Variants in CPLX2 observed in about 807,000 individuals in gnomAD.
CPLX2 encodes complexin-2.
A neutral mutation model predicts 16.3 loss-of-function variants in CPLX2; 5 were observed. The ratio of observed to expected loss-of-function variants is 0.31; its 90% CI spans 0.16 to 0.64. The LOEUF (loss-of-function observed/expected upper bound fraction) is 0.64. Ranked by LOEUF, CPLX2 falls within the 30% of genes least tolerant of loss-of-function variation. The pLI, the probability that CPLX2 is intolerant of heterozygous loss-of-function variation, is 0.79. For synonymous variants in CPLX2, 89 were observed against 73.2 expected (o/e 1.22, Z -1.10); for missense variants, 144 against 181.4 (o/e 0.79, Z 1.18).
At chr5:175,821,382 T>C (rs892442286) in intron 2 of CPLX2, among the ~76,000 whole-genome samples, 1 of 152,088 alleles carries the variant, frequency 6.6e-6, no homozygotes, top group Non-Finnish European at 1.5e-5. Context: ...ACTCTCCTTC[T>C]CCTAAATTTC....
intron 2 of CPLX2, among the ~76,000 whole-genome samples, chr5:175,836,161 T>G (rs1032571444): frequency 6.6e-5 from 10 of 152,062 alleles, no homozygotes; most frequent in African/African-American, 2.4e-4. Context: ...CCATCCTGGC[T>G]AACACGGTGA....
At chr5:175,860,516 A>AAAAG (rs765708535) in intron 2 of CPLX2, among the ~76,000 whole-genome samples, 2,476 of 21,318 alleles carry the variant, frequency 0.12, 58 homozygotes, top group Middle Eastern at 0.13. Flanking sequence ...GAAAGAAAGA[A>AAAAG]AAAGAAAGAA....
At chr5:175,873,112 C>G (rs1371386309) in intron 1 of CPLX2, 1 of 138,114 alleles carries the variant, frequency 7.2e-6, no homozygotes, top group Non-Finnish European at 1.6e-5. Flanking sequence ...CACTCCCACC[C>G]ACCCCCACCC....
upstream of CPLX2, among the ~76,000 whole-genome samples, chr5:175,871,031 C>T (rs979535727): frequency 9.9e-5 from 15 of 152,194 alleles, no homozygotes; most frequent in South Asian, 2.1e-4. Flanking sequence ...ACAGGTGGAA[C>T]GGGGGTCGCT....
intron 2 of CPLX2, among the ~76,000 whole-genome samples, chr5:175,831,059 T>C (rs1344070143): frequency 2.0e-5 from 3 of 152,122 alleles, no homozygotes; most frequent in Non-Finnish European, 2.9e-5. Context: ...TAAGTGCGTC[T>C]CTGTGTCTGT....
chr5:175,831,303 G>T (rs1758731517), intron 2 of CPLX2, among the ~76,000 whole-genome samples: 1 of 152,202 alleles, frequency 6.6e-6, no homozygotes, highest in African/African-American at 2.4e-5. Flanking sequence ...AGTCACAGAA[G>T]GGGAAATCGT....
At chr5:175,856,240 A>G (rs1759255333) in intron 2 of CPLX2, among the ~76,000 whole-genome samples, 1 of 152,168 alleles carries the variant, frequency 6.6e-6, no homozygotes, top group Admixed American at 6.5e-5. Context: ...GGCTGAAATG[A>G]GGTAGTATAA....
At chr5:175,797,903 G>C (rs1001290851) in intron 1 of CPLX2, among the ~76,000 whole-genome samples, 9 of 152,212 alleles carry the variant, frequency 5.9e-5, no homozygotes, top group African/African-American at 2.2e-4. Flanking sequence ...GAAAGCATAC[G>C]TGGAAGAGAA....
At chr5:175,806,044 C>T (rs1758192991) in intron 1 of CPLX2, among the ~76,000 whole-genome samples, 1 of 152,212 alleles carries the variant, frequency 6.6e-6, no homozygotes, top group Admixed American at 6.5e-5. Flanking sequence ...GATTCCCCAC[C>T]TTCATGCTCC....
At chr5:175,876,496 A>AAAC (rs75439409) in intron 1 of CPLX2, among the ~76,000 whole-genome samples, 10,122 of 152,160 alleles carry the variant, frequency 0.067, 515 homozygotes, top group East Asian at 0.15. Flanking sequence ...CAGGGATAGG[A>AAAC]AAGAACTGAG....
intron 2 of CPLX2, among the ~76,000 whole-genome samples, chr5:175,862,381 A>AT: frequency 6.6e-6 from 1 of 152,226 alleles, no homozygotes; most frequent in South Asian, 2.1e-4. Flanking sequence ...CCCAAATTAG[A>AT]TTTTTTTTAA....
Position 175,865,050 on chromosome 5 carries a change from T to C in CPLX2, c.-88-13602T>C, listed in dbSNP as rs1038387619. ...CTCATTGCCTCCCTTCATCCAACCC[T>C]CCCCCAACCACATACTCACATGCAC... On this transcript the variant is annotated intron_variant, in intron 2 of 4. Coordinates refer to the CPLX2 transcript ENST00000359546. Among the ~76,000 whole-genome samples, 12 of 149,846 alleles carry C rather than the reference T, an allele frequency of 8.0e-5. No individual in the cohort carries two copies. In the Middle Eastern group the frequency reaches 0.01, roughly 128 times the overall value.
At chr5:175,846,110 C>T (rs911674036) in intron 2 of CPLX2, among the ~76,000 whole-genome samples, 1 of 152,108 alleles carries the variant, frequency 6.6e-6, no homozygotes, top group Non-Finnish European at 1.5e-5. Context: ...TCTGGCCATG[C>T]ACACACACAA....
chr5:175,829,348 T>C (rs1316281404), intron 2 of CPLX2, among the ~76,000 whole-genome samples: 1 of 152,196 alleles, frequency 6.6e-6, no homozygotes, highest in Non-Finnish European at 1.5e-5. Context: ...TGCTCAGCCA[T>C]GCTCCCTCCC....
chr5:175,857,272 A>G (rs1759276508), intron 2 of CPLX2, among the ~76,000 whole-genome samples: 1 of 152,126 alleles, frequency 6.6e-6, no homozygotes, highest in Admixed American at 6.5e-5. Context: ...CCAATTTTTC[A>G]GGTCAGGCTC....
chr5:175,851,207 C>T (rs1759146596), intron 2 of CPLX2, among the ~76,000 whole-genome samples: 1 of 152,022 alleles, frequency 6.6e-6, no homozygotes, highest in African/African-American at 2.4e-5. Flanking sequence ...GAAAGGTGGC[C>T]CCCTTTGGTT....
chr5:175,838,476 G>A (rs1479774844), intron 2 of CPLX2, among the ~76,000 whole-genome samples: 3 of 152,008 alleles, frequency 2.0e-5, no homozygotes, highest in Non-Finnish European at 4.4e-5. Context: ...CACCGTGTTA[G>A]CCAGGATGGT....
intron 2 of CPLX2, among the ~76,000 whole-genome samples, chr5:175,835,437 C>A (rs958088859): frequency 6.6e-5 from 10 of 152,082 alleles, no homozygotes; most frequent in African/African-American, 1.7e-4. Flanking sequence ...TAGGAGGGAA[C>A]CTTCCCAAAT....
At chr5:175,797,714 G>A (rs1318275513) in intron 1 of CPLX2, among the ~76,000 whole-genome samples, 1 of 152,164 alleles carries the variant, frequency 6.6e-6, no homozygotes, top group African/African-American at 2.4e-5. Flanking sequence ...CACTCCCCGG[G>A]TTCCGCCCCC....
Sources: allele counts gnomAD v4.1 joint callset (sites outside exome capture counted in the v4.1 genomes callset), GRCh38; gene constraint gnomAD v4.1.1; transcripts MANE v1.5; gene names NCBI Gene and HGNC (gene_info 2026-07-23, HGNC 2026-07-21).